The following AP1G1 variants were observed in gnomAD, a reference collection of about 807,000 sequenced individuals.
AP1G1 encodes the protein AP-1 complex subunit gamma-1.
In AP1G1, 7 loss-of-function variants were observed where a neutral mutation model predicts 108.3. That is an observed-to-expected ratio of 0.06 (90% CI 0.04 to 0.12). AP1G1 has a LOEUF of 0.12. Among genes scored for constraint, AP1G1 ranks in the 10% least tolerant of loss-of-function variants. AP1G1 has a pLI of 1.00. For synonymous variants in AP1G1, 379 were observed against 353.5 expected (o/e 1.07, Z -0.81); for missense variants, 756 against 1,010.7 (o/e 0.75, Z 3.42).
intron 6 of AP1G1, among the ~76,000 whole-genome samples, chr16:71,768,875 G>A (rs1465253555): frequency 1.0e-4 from 13 of 129,240 alleles, no homozygotes; most frequent in South Asian, 2.5e-4. Flanking sequence ...CCAAGATCGC[G>A]CCACTGCACT....
rs1386938405 is a variant in AP1G1 at position 71,807,825 on chromosome 16, G to A, written c.-4+938C>T. 1.5e-5 allele frequency: 19 copies of A among 1,288,918 alleles called. 1 individual carries two copies. The highest frequency in any genetic ancestry group is 1.4e-4 in the South Asian group (11 of 81,008). The allele number at this position is 1,288,918 out of a possible 1,614,324, so 79.8% of individuals were successfully genotyped here. A position where few individuals can be genotyped will look rare whatever the true frequency, so the allele number is the denominator to read the frequency against. ...CCTCAGATTAATATTTTTCTCCATG[G>A]ACAGATTTCCGTGCTCAGGGATATA... is the stretch of plus-strand genomic sequence containing the variant. On this transcript the variant is annotated intron_variant, in intron 1 of 22. Transcript: ENST00000299980.
At chr16:71,759,180 C>T (rs769848028) in intron 10 of AP1G1, among the ~76,000 whole-genome samples, 4 of 152,192 alleles carry the variant, frequency 2.6e-5, no homozygotes, top group South Asian at 2.1e-4. Flanking sequence ...AAAAGTAGGC[C>T]GGGCATGGTG....
At chr16:71,754,789 G>C (rs2030691960) in intron 12 of AP1G1, among the ~76,000 whole-genome samples, 1 of 151,054 alleles carries the variant, frequency 6.6e-6, no homozygotes, top group African/African-American at 2.4e-5. Flanking sequence ...GACAGAGCAA[G>C]ACTCCGTTTC....
intron 9 of AP1G1, 39 bp from the exon 10 acceptor site, chr16:71,761,606 G>C (rs1386753798): frequency 6.8e-7 from 1 of 1,468,780 alleles, no homozygotes; most frequent in Non-Finnish European, 9.5e-7. Flanking sequence ...TAGGAAAATG[G>C]AAGTTTTATA....
rs777881822 is a variant in AP1G1, at chr16:71,758,833, T to G, written c.1063A>C (p.Lys355Gln). 6.2e-7 allele frequency: 1 copy of G among 1,607,854 alleles called. No homozygotes were observed. Among genetic ancestry groups the G allele is most frequent in the African/African-American group, 1.3e-5 (1 of 74,698 alleles). ...CGTTTTATTGAGACATCCAAATCTTTAAGACAGTCCACAATTGTGCTTCTG... is the reference window on the plus strand; with the variant it reads ...CGTTTTATTGAGACATCCAAATCTTGAAGACAGTCCACAATTGTGCTTCTG... Reference protein sequence around the residue: ...RHRSTIVDCLKDLDVSIKRRA... With the variant: ...RHRSTIVDCLQDLDVSIKRRA... The change falls in exon 11 of 23, where the codon AAA becomes CAA. Residue 355 changes from lysine (K) to glutamine (Q), a missense_variant. Coordinates refer to ENST00000299980, the MANE Select transcript of AP1G1 (RefSeq NM_001128.6).
intron 2 of AP1G1, among the ~76,000 whole-genome samples, chr16:71,781,270 TCTTCTGGCAGAAAAACAAAAAACAAA>T (rs1343252515): frequency 1.3e-5 from 2 of 152,236 alleles, no homozygotes; most frequent in Non-Finnish European, 2.9e-5. Flanking sequence ...GTTTCTTCAT[TCTTCTGGCAGAAAAACAAAAAACAAA>T]AACCTGACAT....
intron 11 of AP1G1, among the ~76,000 whole-genome samples, chr16:71,756,736 G>A (rs913126752): frequency 4.6e-5 from 7 of 152,148 alleles, no homozygotes; most frequent in Admixed American, 2.0e-4. Context: ...GAGGTCAGGA[G>A]TTTGAGACCA....
At position 71,732,161 on chromosome 16, in the gene AP1G1, G is replaced by A. The variant is rs1236368439; in HGVS notation, c.*897C>T. 1.3e-5 allele frequency: 2 copies of A among 152,250 alleles called. No homozygotes were observed. Among genetic ancestry groups the A allele is most frequent in the African/African-American group, 4.8e-5 (2 of 41,444 alleles). 9.4% of individuals were successfully genotyped at this position (152,250 alleles called of 1,614,324 possible). A position where few individuals can be genotyped will look rare whatever the true frequency, so the allele number is the denominator to read the frequency against. On this transcript the variant is annotated 3_prime_UTR_variant, in exon 23 of 23. Transcript: ENST00000299980. Reference sequence around the variant, plus strand: ...TGGGCTTAGGAGCACTTTAAAATTTGTGGTGGGAATAGGGTCATTAATAAC... The same window carrying A: ...TGGGCTTAGGAGCACTTTAAAATTTATGGTGGGAATAGGGTCATTAATAAC...
chr16:71,767,747 C>A, intron 6 of AP1G1: 1 of 893,708 alleles, frequency 1.1e-6, no homozygotes, highest in Non-Finnish European at 1.7e-6. Flanking sequence ...GATGGTAGAA[C>A]AATAACTCAC....
intron 2 of AP1G1, chr16:71,777,756 G>A (rs1469577552): frequency 4.5e-6 from 2 of 446,014 alleles, no homozygotes; most frequent in African/African-American, 2.0e-5. Context: ...CGCTCTTTCT[G>A]GCTTGCCTCC....
intron 21 of AP1G1, among the ~76,000 whole-genome samples, chr16:71,738,262 A>T (rs1450030010): frequency 6.7e-6 from 1 of 149,324 alleles, no homozygotes; most frequent in Non-Finnish European, 1.5e-5. Context: ...GAGTTTCACC[A>T]TGTTGGCCAG....
At chr16:71,768,626 T>C (rs371345079) in intron 6 of AP1G1, among the ~76,000 whole-genome samples, 5 of 141,806 alleles carry the variant, frequency 3.5e-5, no homozygotes, top group African/African-American at 1.3e-4. Flanking sequence ...CTTAAAAAAA[T>C]AGAAAAGAGC....
intron 12 of AP1G1, 55 bp from the exon 13 acceptor site, chr16:71,753,942 G>A: frequency 6.5e-7 from 1 of 1,543,992 alleles, no homozygotes; most frequent in Non-Finnish European, 8.9e-7. Context: ...ACCGTTTTCA[G>A]TGACTAGAAA....
chr16:71,763,351 G>T (rs1489081039), intron 9 of AP1G1, among the ~76,000 whole-genome samples: 1 of 152,142 alleles, frequency 6.6e-6, no homozygotes, highest in South Asian at 2.1e-4. Context: ...GGTTGCCAGG[G>T]ACTACAGATA....
At chr16:71,762,345 C>T (rs918230266) in intron 9 of AP1G1, among the ~76,000 whole-genome samples, 6 of 152,142 alleles carry the variant, frequency 3.9e-5, no homozygotes, top group Non-Finnish European at 8.8e-5. Context: ...TGTTTCCTGG[C>T]ATACAACTCC....
chr16:71,766,957 G>C (rs1383208137), intron 6 of AP1G1, among the ~76,000 whole-genome samples: 3 of 152,176 alleles, frequency 2.0e-5, no homozygotes, highest in Admixed American at 6.5e-5. Context: ...TTATATTAGA[G>C]ATAATAATAT....
intron 1 of AP1G1, among the ~76,000 whole-genome samples, chr16:71,796,054 T>C (rs948787098): frequency 4.6e-5 from 7 of 152,088 alleles, no homozygotes; most frequent in African/African-American, 9.7e-5. Flanking sequence ...CTGAGCAACA[T>C]GGCGACACCC....
chr16:71,759,068 A>G (rs2030947511), intron 10 of AP1G1, 147 bp from the exon 11 acceptor site: 1 of 602,834 alleles, frequency 1.7e-6, no homozygotes, highest in African/African-American at 1.9e-5. Context: ...CATAAAAGTA[A>G]CATTTCAAAG....
chr16:71,733,932 T>C (rs1159863448), intron 22 of AP1G1, among the ~76,000 whole-genome samples: 1 of 152,178 alleles, frequency 6.6e-6, no homozygotes, highest in African/African-American at 2.4e-5. Context: ...CAAATACAAA[T>C]GCACTAAGAC....
Sources: allele counts gnomAD v4.1 joint callset (sites outside exome capture counted in the v4.1 genomes callset), GRCh38; gene constraint gnomAD v4.1.1; transcripts MANE v1.5; gene names NCBI Gene and HGNC (gene_info 2026-07-23, HGNC 2026-07-21).